The following DACH1 variants were observed in gnomAD, a reference collection of about 807,000 sequenced individuals.
DACH1 encodes the protein dachshund homolog 1.
Under a neutral mutation model 54.2 loss-of-function variants are expected in DACH1, and 12 were observed. The observed-to-expected ratio is 0.22, with a 90% CI of 0.14 to 0.36. The LOEUF (loss-of-function observed/expected upper bound fraction) is 0.36, where lower values mean the gene tolerates loss of function less well. Ranked by LOEUF, DACH1 falls within the 10% of genes least tolerant of loss-of-function variation. The pLI is 1.00. For missense variants in DACH1, 805 were observed against 929.8 expected (o/e 0.87, Z 1.75); for synonymous variants, 386 against 366.2 (o/e 1.05, Z -0.62).
intron 9 of DACH1, 52 bp downstream of exon 9, chr13:71,475,654 C>G: frequency 6.4e-7 from 1 of 1,556,432 alleles, no homozygotes; most frequent in South Asian, 1.2e-5. Context: ...CTAAACTGTC[C>G]TTTAAGCATT....
intron 3 of DACH1, among the ~76,000 whole-genome samples, chr13:71,578,622 A>G (rs1885681403): frequency 6.6e-6 from 1 of 152,178 alleles, no homozygotes; most frequent in African/African-American, 2.4e-5. Context: ...TTTAGGATAT[A>G]AAAACACTGA....
intron 3 of DACH1, among the ~76,000 whole-genome samples, chr13:71,629,904 T>C (rs1876957600): frequency 6.6e-6 from 1 of 152,172 alleles, no homozygotes; most frequent in African/African-American, 2.4e-5. Context: ...TTTGAAGTTG[T>C]GTTTGACAAA....
chr13:71,478,157 CTTAT>C (rs1325167251), intron 8 of DACH1, among the ~76,000 whole-genome samples: 57 of 152,150 alleles, frequency 3.7e-4, no homozygotes, highest in Admixed American at 3.7e-3. Context: ...TTTGACCCAA[CTTAT>C]TTATTCACTT....
intron 1 of DACH1, among the ~76,000 whole-genome samples, chr13:71,784,639 A>T (rs1471350613): frequency 6.6e-6 from 1 of 152,118 alleles, no homozygotes; most frequent in Non-Finnish European, 1.5e-5. Flanking sequence ...TTAGAAGTCC[A>T]CTGCCCTCTC....
Position 71,669,764 on chromosome 13 carries a change from A to C in DACH1, c.964+12031T>G, listed in dbSNP as rs182616720. Among the ~76,000 whole-genome samples, 239 of 152,296 alleles carry C rather than the reference A, an allele frequency of 1.6e-3. 2 individuals carry two copies. Among genetic ancestry groups the C allele is most frequent in the African/African-American group, 4.7e-3 (195 of 41,564 alleles). Reference sequence around the variant, plus strand: ...GGCAGCTTGATGTAGGAATATAATCAATAAACTGGGATCATAAAACCTAAA... The same window carrying C: ...GGCAGCTTGATGTAGGAATATAATCCATAAACTGGGATCATAAAACCTAAA... On this transcript the variant is annotated intron_variant, in intron 2 of 10. Transcript: ENST00000613252.
At chr13:71,559,540 C>G (rs550069305) in intron 5 of DACH1, among the ~76,000 whole-genome samples, 3 of 152,120 alleles carry the variant, frequency 2.0e-5, no homozygotes, top group Non-Finnish European at 4.4e-5. Flanking sequence ...GTGTTTACTT[C>G]AGAAACCAAT....
chr13:71,491,496 A>C (rs1387396572), intron 6 of DACH1, among the ~76,000 whole-genome samples: 2 of 152,178 alleles, frequency 1.3e-5, no homozygotes, highest in African/African-American at 2.4e-5. Flanking sequence ...TATTTGTTAC[A>C]AACTTATCTA....
intron 1 of DACH1, among the ~76,000 whole-genome samples, chr13:71,751,923 A>G (rs1884945838): frequency 6.6e-6 from 1 of 152,136 alleles, no homozygotes; most frequent in Admixed American, 6.6e-5. Flanking sequence ...TGTGAATTCT[A>G]CTATTATGTA....
At chr13:71,825,787 CAT>C (rs777958903) in intron 1 of DACH1, among the ~76,000 whole-genome samples, 1 of 151,986 alleles carries the variant, frequency 6.6e-6, no homozygotes, top group Non-Finnish European at 1.5e-5. Context: ...TTTAGGTAGA[CAT>C]ATATTTATTC....
intron 6 of DACH1, among the ~76,000 whole-genome samples, chr13:71,496,282 TATATATATATATATATATATATATAC>T (rs1879414183): frequency 8.3e-6 from 1 of 121,114 alleles, no homozygotes; most frequent in South Asian, 3.0e-4. Context: ...TATATATATA[TATATATATATATATATATATATATAC>T]ACACACAAAA....
chr13:71,668,278 CAG>C (rs1251978464), intron 2 of DACH1, among the ~76,000 whole-genome samples: 10 of 151,874 alleles, frequency 6.6e-5, no homozygotes, highest in African/African-American at 2.4e-4. Context: ...TTGGAATAAA[CAG>C]AGTGTTACAT....
intron 10 of DACH1, among the ~76,000 whole-genome samples, chr13:71,463,793 A>G (rs1434170753): frequency 6.6e-6 from 1 of 151,940 alleles, no homozygotes; most frequent in Non-Finnish European, 1.5e-5. Context: ...AGAGATCACC[A>G]ATATCCTTTC....
chr13:71,834,625 C>T (rs527844631), intron 1 of DACH1, among the ~76,000 whole-genome samples: 13 of 152,112 alleles, frequency 8.5e-5, no homozygotes, highest in African/African-American at 2.6e-4. Context: ...CGCCGCACCC[C>T]GCTGTAGCCT....
At chr13:71,818,132 G>A (rs552501268) in intron 1 of DACH1, among the ~76,000 whole-genome samples, 1 of 152,152 alleles carries the variant, frequency 6.6e-6, no homozygotes, top group East Asian at 1.9e-4. Context: ...GTACATTTAT[G>A]TCTCACACAA....
intron 3 of DACH1, among the ~76,000 whole-genome samples, chr13:71,588,746 G>C (rs1457882173): frequency 3.1e-5 from 4 of 128,012 alleles, no homozygotes; most frequent in African/African-American, 1.2e-4. Context: ...CATTAAATGA[G>C]ATTAGTAAAT....
intron 1 of DACH1, among the ~76,000 whole-genome samples, chr13:71,826,433 A>C (rs1408890): frequency 0.66 from 99,900 of 151,742 alleles, 33,049 homozygotes; most frequent in Admixed American, 0.72. Context: ...CAAGGCTGTG[A>C]TCATGATTTC....
intron 6 of DACH1, among the ~76,000 whole-genome samples, chr13:71,532,710 A>G (rs1022051739): frequency 1.4e-4 from 21 of 151,974 alleles, no homozygotes; most frequent in Non-Finnish European, 2.5e-4. Flanking sequence ...TAGGAAAAAA[A>G]TGCTTCTATC....
intron 6 of DACH1, among the ~76,000 whole-genome samples, chr13:71,532,130 T>C: frequency 6.6e-6 from 1 of 151,966 alleles, no homozygotes; most frequent in Non-Finnish European, 1.5e-5. Flanking sequence ...GATAAAGTCC[T>C]TGGTTCCATT....
intron 2 of DACH1, among the ~76,000 whole-genome samples, chr13:71,636,549 A>AAATAATAAT (rs368128838): frequency 1.1e-4 from 16 of 146,908 alleles, no homozygotes; most frequent in African/African-American, 2.3e-4. Context: ...CACAAAGTAA[A>AAATAATAAT]AATAATAATA....
Sources: allele counts gnomAD v4.1 joint callset (sites outside exome capture counted in the v4.1 genomes callset), GRCh38; gene constraint gnomAD v4.1.1; transcripts MANE v1.5; gene names NCBI Gene and HGNC (gene_info 2026-07-23, HGNC 2026-07-21).